The following CSMD1 variants were observed in gnomAD, a reference collection of about 807,000 sequenced individuals.
CSMD1 encodes CUB and Sushi multiple domains 1, also known as CUB and sushi domain-containing protein 1.
In CSMD1, 213 loss-of-function variants were observed where a neutral mutation model predicts 417.5. That is an observed-to-expected ratio of 0.51 (90% CI 0.46 to 0.57). CSMD1 has a LOEUF of 0.57. Among genes scored for constraint, CSMD1 ranks in the 20% least tolerant of loss-of-function variants. The pLI, the probability that CSMD1 is intolerant of heterozygous loss-of-function variation, is 0.00. For missense variants in CSMD1, 6,923 were observed against 4,529.7 expected (o/e 1.53, Z -15.17); for synonymous variants, 2,862 against 1,736.8 (o/e 1.65, Z -16.11).
At chr8:4,482,486 A>G (rs974333024) in intron 2 of CSMD1, among the ~76,000 whole-genome samples, 22 of 152,142 alleles carry the variant, frequency 1.4e-4, no homozygotes, top group South Asian at 2.1e-4. Context: ...TTCTCTACCC[A>G]GTCTATTATT....
At chr8:4,993,398 C>G (rs1811583011) in intron 1 of CSMD1, among the ~76,000 whole-genome samples, 1 of 152,216 alleles carries the variant, frequency 6.6e-6, no homozygotes, top group Non-Finnish European at 1.5e-5. Flanking sequence ...CTCTGTCTCT[C>G]TCCCTCTTTC....
At chr8:4,031,425 C>T (rs997584640) in intron 4 of CSMD1, among the ~76,000 whole-genome samples, 6 of 152,228 alleles carry the variant, frequency 3.9e-5, no homozygotes, top group South Asian at 2.1e-4. Flanking sequence ...TTTTTAAAAC[C>T]ATCAGATCTC....
At position 4,644,721 on chromosome 8, in the gene CSMD1, T is replaced by C. The variant is rs569549747; in HGVS notation, c.86-7163A>G. Among the ~76,000 whole-genome samples, 5 of 152,368 alleles carry C rather than the reference T, an allele frequency of 3.3e-5. No homozygotes were observed. The South Asian group carries it at 1.0e-3, about 32-fold the overall frequency. On this transcript the variant is annotated intron_variant, in intron 1 of 69. Transcript: ENST00000635120. ...ACCATGCCTGGCGCCTACACTATTG[T>C]ATTCCCTTATAGCATTTATAACTTT...
At chr8:4,189,866 C>T (rs780985659) in intron 3 of CSMD1, among the ~76,000 whole-genome samples, 10 of 151,866 alleles carry the variant, frequency 6.6e-5, no homozygotes, top group South Asian at 2.1e-4. Flanking sequence ...TTTTGTGGTA[C>T]GTAATACATA....
chr8:3,998,851 G>A (rs978048476), intron 4 of CSMD1, among the ~76,000 whole-genome samples: 14 of 150,096 alleles, frequency 9.3e-5, no homozygotes, highest in African/African-American at 3.2e-4. Context: ...AATATTATAT[G>A]CATTTTAAAC....
intron 2 of CSMD1, among the ~76,000 whole-genome samples, chr8:4,533,434 A>C (rs1267323594): frequency 6.6e-6 from 1 of 152,186 alleles, no homozygotes; most frequent in Non-Finnish European, 1.5e-5. Flanking sequence ...TTTTGCTGTT[A>C]ATCTACGTGA....
intron 3 of CSMD1, among the ~76,000 whole-genome samples, chr8:4,248,031 G>C (rs1294800972): frequency 6.6e-6 from 1 of 152,114 alleles, no homozygotes; most frequent in Non-Finnish European, 1.5e-5. Flanking sequence ...TTTTCATTTA[G>C]AGAAGTTATT....
intron 7 of CSMD1, among the ~76,000 whole-genome samples, chr8:3,617,992 A>G (rs1802227999): frequency 6.6e-6 from 1 of 152,148 alleles, no homozygotes; most frequent in African/African-American, 2.4e-5. Flanking sequence ...CAGTAATCAT[A>G]TCAAGTTTAG....
At chr8:3,314,260 A>G (rs112566741) in intron 23 of CSMD1, among the ~76,000 whole-genome samples, 2,853 of 152,308 alleles carry the variant, frequency 0.019, 83 homozygotes, top group African/African-American at 0.064. Flanking sequence ...AAAAAAATAA[A>G]AAATAAATCT....
intron 5 of CSMD1, among the ~76,000 whole-genome samples, chr8:3,898,581 G>C (rs539777051): frequency 9.2e-5 from 14 of 152,286 alleles, no homozygotes; most frequent in African/African-American, 3.4e-4. Context: ...TATGAAGATA[G>C]AAAAAAGATT....
At chr8:3,829,319 T>C (rs955748097) in intron 5 of CSMD1, among the ~76,000 whole-genome samples, 1 of 152,174 alleles carries the variant, frequency 6.6e-6, no homozygotes, top group Non-Finnish European at 1.5e-5. Flanking sequence ...TATTCTACAA[T>C]CACCTTTCCA....
chr8:3,708,858 T>A (rs561386304), intron 6 of CSMD1, among the ~76,000 whole-genome samples: 2 of 152,214 alleles, frequency 1.3e-5, no homozygotes, highest in South Asian at 4.1e-4. Context: ...GACTACAGAG[T>A]TGTCTAAGTT....
At position 3,191,759 on chromosome 8, in the gene CSMD1, A is replaced by G. The variant is rs144224054; in HGVS notation, c.5195-1644T>C. Among the ~76,000 whole-genome samples, 582 of 152,334 alleles carry G rather than the reference A, an allele frequency of 3.8e-3. 4 individuals carry two copies. Among genetic ancestry groups the G allele is most frequent in the African/African-American group, 0.013 (561 of 41,566 alleles). Reference sequence around the variant, plus strand: ...AATACTTCAATTGGCAAAGAGGTCCATCACACTAGGCAAACTCTGAAAATA... The same window carrying G: ...AATACTTCAATTGGCAAAGAGGTCCGTCACACTAGGCAAACTCTGAAAATA... On this transcript the variant is annotated intron_variant, in intron 33 of 69. Transcript: ENST00000635120.
intron 3 of CSMD1, among the ~76,000 whole-genome samples, chr8:4,122,349 G>A (rs535723718): frequency 4.6e-5 from 7 of 152,132 alleles, no homozygotes; most frequent in Non-Finnish European, 7.3e-5. Context: ...AGAAGAAATA[G>A]GATTTACTAT....
At chr8:4,103,613 C>T (rs888790553) in intron 3 of CSMD1, among the ~76,000 whole-genome samples, 1 of 152,026 alleles carries the variant, frequency 6.6e-6, no homozygotes, top group Non-Finnish European at 1.5e-5. Context: ...TTCATGTAAA[C>T]ACTTGTGTAG....
At chr8:4,168,854 A>G (rs1204598403) in intron 3 of CSMD1, among the ~76,000 whole-genome samples, 1 of 151,980 alleles carries the variant, frequency 6.6e-6, no homozygotes, top group East Asian at 1.9e-4. Flanking sequence ...CCTCCACCAC[A>G]GTTGCTTTAG....
intron 10 of CSMD1, among the ~76,000 whole-genome samples, chr8:3,544,678 C>G (rs578051179): frequency 2.6e-5 from 4 of 152,102 alleles, no homozygotes; most frequent in African/African-American, 9.7e-5. Context: ...TTGCCTGGAG[C>G]TATTCAGTGG....
At chr8:3,920,290 C>T (rs1022349080) in intron 5 of CSMD1, among the ~76,000 whole-genome samples, 1 of 151,988 alleles carries the variant, frequency 6.6e-6, no homozygotes, top group Non-Finnish European at 1.5e-5. Flanking sequence ...CCACTTCAAC[C>T]TCCCAAAGTG....
chr8:4,178,226 T>C (rs1798165074), intron 3 of CSMD1, among the ~76,000 whole-genome samples: 2 of 152,136 alleles, frequency 1.3e-5, no homozygotes, highest in South Asian at 2.1e-4. Flanking sequence ...AAAAAGCTAA[T>C]CCACTATCAT....
Sources: allele counts gnomAD v4.1 joint callset (sites outside exome capture counted in the v4.1 genomes callset), GRCh38; gene constraint gnomAD v4.1.1; transcripts MANE v1.5; gene names NCBI Gene and HGNC (gene_info 2026-07-23, HGNC 2026-07-21).